SAMD5: variants seen among roughly 807,000 people sequenced by gnomAD.
SAMD5 encodes sterile alpha motif domain containing 5, also known as sterile alpha motif domain-containing protein 5.
SAMD5 carries 13 observed loss-of-function variants against 11.3 expected under a neutral mutation model. The observed-to-expected ratio is 1.15, with a 90% CI of 0.75 to 1.83. The LOEUF (loss-of-function observed/expected upper bound fraction) is 1.83. Ranked by LOEUF, SAMD5 falls within the 40% of genes most tolerant of loss-of-function variation. The pLI is 0.00. For missense variants in SAMD5, 255 were observed against 239.1 expected, an observed-to-expected ratio of 1.07 and a Z score of -0.44; for synonymous variants, 129 against 111.3, an observed-to-expected ratio of 1.16 and a Z score of -1.00.
the SAMD5 span, among the ~76,000 whole-genome samples, chr6:147,899,312 T>C: frequency 6.6e-6 from 1 of 151,526 alleles, no homozygotes; most frequent in East Asian, 2.0e-4. Context: ...CCTAAATACA[T>C]AGGAGTTGTG....
At chr6:147,876,248 A>T in the SAMD5 span, among the ~76,000 whole-genome samples, 2 of 152,322 alleles carry the variant, frequency 1.3e-5, no homozygotes. Flanking sequence ...AGAGAGAAGA[A>T]GATGTGAGGA....
At chr6:147,512,901 C>T (rs915647638) in intron 1 of SAMD5, among the ~76,000 whole-genome samples, 3 of 152,184 alleles carry the variant, frequency 2.0e-5, no homozygotes, top group Admixed American at 6.5e-5. Context: ...ATACCATGAA[C>T]AGGTGCATCC....
intron 1 of SAMD5, among the ~76,000 whole-genome samples, chr6:147,724,527 G>T (rs916072850): frequency 6.6e-6 from 1 of 152,144 alleles, no homozygotes; most frequent in African/African-American, 2.4e-5. Flanking sequence ...GCTTATGACA[G>T]AAGTACTATT....
chr6:147,521,004 A>C (rs1788245237), intron 1 of SAMD5, among the ~76,000 whole-genome samples: 1 of 151,952 alleles, frequency 6.6e-6, no homozygotes, highest in African/African-American at 2.4e-5. Context: ...TTTACCCAAC[A>C]TTTTCCCATT....
At chr6:147,825,583 T>C in the SAMD5 span, among the ~76,000 whole-genome samples, 1 of 152,098 alleles carries the variant, frequency 6.6e-6, no homozygotes, top group African/African-American at 2.4e-5. Flanking sequence ...AACCTGGCAT[T>C]TTTTTTCTTT....
intron 1 of SAMD5, among the ~76,000 whole-genome samples, chr6:147,577,389 G>A (rs1033020905): frequency 3.9e-5 from 6 of 152,114 alleles, no homozygotes; most frequent in Non-Finnish European, 7.3e-5. Context: ...AATTTGATAG[G>A]TGTAATTAAT....
chr6:147,893,884 C>T, the SAMD5 span, among the ~76,000 whole-genome samples: 1 of 152,118 alleles, frequency 6.6e-6, no homozygotes, highest in Non-Finnish European at 1.5e-5. Flanking sequence ...TTTGCATAGA[C>T]AGGTTTAGAT....
chr6:147,597,828 C>A (rs1789554464), intron 1 of SAMD5, among the ~76,000 whole-genome samples: 3 of 152,160 alleles, frequency 2.0e-5, no homozygotes, highest in Non-Finnish European at 4.4e-5. Flanking sequence ...AGTCACGATC[C>A]AGTAGCTTAC....
chr6:147,551,636 T>A (rs1428805589), intron 1 of SAMD5, among the ~76,000 whole-genome samples: 1 of 151,924 alleles, frequency 6.6e-6, no homozygotes, highest in Non-Finnish European at 1.5e-5. Flanking sequence ...GAATATAATG[T>A]AATGTTGAAT....
the SAMD5 span, among the ~76,000 whole-genome samples, chr6:147,800,382 G>T: frequency 1.3e-5 from 2 of 152,108 alleles, no homozygotes; most frequent in Non-Finnish European, 2.9e-5. Context: ...AGTCTGCTTG[G>T]GGGTCAGGGG....
At chr6:147,751,602 T>C in the SAMD5 span, among the ~76,000 whole-genome samples, 1 of 152,144 alleles carries the variant, frequency 6.6e-6, no homozygotes, top group Non-Finnish European at 1.5e-5. Context: ...TCTCTAGGGG[T>C]TTGCAGAAAA....
intron 1 of SAMD5, among the ~76,000 whole-genome samples, chr6:147,548,553 T>G (rs1788720609): frequency 6.6e-6 from 1 of 152,230 alleles, no homozygotes; most frequent in Non-Finnish European, 1.5e-5. Flanking sequence ...TTTGTGATTC[T>G]GAGAACAGAA....
the SAMD5 span, among the ~76,000 whole-genome samples, chr6:147,758,672 GT>G: frequency 1.3e-5 from 2 of 152,172 alleles, no homozygotes; most frequent in Non-Finnish European, 2.9e-5. Context: ...TGGAAATCGA[GT>G]CAGGGCATAC....
the SAMD5 span, among the ~76,000 whole-genome samples, chr6:147,746,255 T>C: frequency 2.0e-5 from 3 of 152,222 alleles, no homozygotes; most frequent in East Asian, 5.8e-4. Flanking sequence ...CCCTTCCTCC[T>C]CTTTTGAGTG....
At chr6:147,582,122 GC>G (rs1477552629) in intron 1 of SAMD5, among the ~76,000 whole-genome samples, 1 of 93,304 alleles carries the variant, frequency 1.1e-5, no homozygotes, top group Non-Finnish European at 2.3e-5. Context: ...ACTTTGGGAG[GC>G]CAAGGTGGGT....
chr6:147,771,181 A>G, the SAMD5 span, among the ~76,000 whole-genome samples: 2 of 152,194 alleles, frequency 1.3e-5, no homozygotes, highest in Non-Finnish European at 2.9e-5. Context: ...TCAACCTATT[A>G]TTTGTGGCAA....
the SAMD5 span, among the ~76,000 whole-genome samples, chr6:147,810,200 C>T: frequency 1.3e-5 from 2 of 152,146 alleles, no homozygotes; most frequent in Admixed American, 6.5e-5. Flanking sequence ...TCACGTAACA[C>T]ATTTATATTG....
chr6:147,918,097 A>T, the SAMD5 span, among the ~76,000 whole-genome samples: 1 of 152,202 alleles, frequency 6.6e-6, no homozygotes, highest in East Asian at 1.9e-4. Flanking sequence ...TCTTTGAAGA[A>T]AGTCATTGAT....
At chr6:147,785,165 C>A in the SAMD5 span, among the ~76,000 whole-genome samples, 2 of 152,172 alleles carry the variant, frequency 1.3e-5, no homozygotes, top group Non-Finnish European at 2.9e-5. Context: ...TCCCCACATA[C>A]CTCTTATTCT....
Sources: allele counts gnomAD v4.1 joint callset (sites outside exome capture counted in the v4.1 genomes callset), GRCh38; gene constraint gnomAD v4.1.1; transcripts MANE v1.5; gene names NCBI Gene and HGNC (gene_info 2026-07-23, HGNC 2026-07-21).